RBFA: variants seen among roughly 807,000 people sequenced by gnomAD.
RBFA encodes putative ribosome-binding factor A, mitochondrial.
In RBFA, 16 loss-of-function variants were observed where a neutral mutation model predicts 27.9. The ratio of observed to expected loss-of-function variants is 0.57; its 90% CI spans 0.39 to 0.87. The LOEUF is 0.87. Ranked by LOEUF, RBFA falls within the 40% of genes least tolerant of loss-of-function variation. RBFA has a pLI of 0.00. For missense variants in RBFA, 456 were observed against 432.1 expected (o/e 1.06, Z -0.49); for synonymous variants, 181 against 181.0 (o/e 1.00, Z 0.00).
rs969428488 is a variant in RBFA at position 80,050,343 on chromosome 18, A to T, written c.*4188A>T. Among the ~76,000 whole-genome samples, 3 of 151,998 alleles carry T rather than the reference A, an allele frequency of 2.0e-5. No homozygotes were observed. The highest frequency in any genetic ancestry group is 7.3e-5 in the African/African-American group (3 of 41,366). ...AGTGTTTCCTGATTAAAAATTTTTTATTTTTATTTTTAATTATCATGGGCA... is the reference window on the plus strand; with the variant it reads ...AGTGTTTCCTGATTAAAAATTTTTTTTTTTTATTTTTAATTATCATGGGCA... On this transcript the variant is annotated 3_prime_UTR_variant, in exon 7 of 7. Coordinates refer to ENST00000306735, the MANE Select transcript of RBFA (RefSeq NM_024805.3).
At chr18:80,038,779 TG>T (rs2051998580) in intron 4 of RBFA, among the ~76,000 whole-genome samples, 162 bp downstream of exon 4, 1 of 152,234 alleles carries the variant, frequency 6.6e-6, no homozygotes, top group Admixed American at 6.5e-5. Context: ...TTTGCATTTT[TG>T]TATAAGCTAT....
intron 5 of RBFA, among the ~76,000 whole-genome samples, chr18:80,042,504 C>G (rs1173837134): frequency 6.6e-6 from 1 of 152,086 alleles, no homozygotes; most frequent in African/African-American, 2.4e-5. Flanking sequence ...GGTGCAGTGG[C>G]TCAAGCCTGT....
chr18:80,037,618 G>A (rs1162850582), intron 3 of RBFA, 112 bp downstream of exon 3: 9 of 932,156 alleles, frequency 9.7e-6, no homozygotes, highest in African/African-American at 3.3e-5. Context: ...GACTGGGCGC[G>A]GTGGCTCACG....
At chr18:80,037,739 C>T (rs534610224) in intron 3 of RBFA, among the ~76,000 whole-genome samples, 2 of 152,204 alleles carry the variant, frequency 1.3e-5, no homozygotes, top group South Asian at 4.1e-4. Flanking sequence ...AATACAAAAA[C>T]TTAGCCGGGC....
rs2052088702 is a variant in RBFA, at chr18:80,050,487, A to G, written c.*4332A>G. ...CCCTCAAGCATTTATCCTTTGTGCC[A>G]CAAACAATCCGATTATATTGTTTTA... On this transcript the variant is annotated 3_prime_UTR_variant, in exon 7 of 7. Transcript: ENST00000306735. Among the ~76,000 whole-genome samples, 1 of 152,228 alleles carries G rather than the reference A, an allele frequency of 6.6e-6. No homozygotes were observed. Among genetic ancestry groups the G allele is most frequent in the African/African-American group, 2.4e-5 (1 of 41,448 alleles).
At chr18:80,039,003 GTTACTT>G (rs1016234362) in intron 4 of RBFA, among the ~76,000 whole-genome samples, 14 of 152,220 alleles carry the variant, frequency 9.2e-5, no homozygotes, top group Admixed American at 3.3e-4. Flanking sequence ...AAAAGACAAT[GTTACTT>G]TTACTTAAGA....
rs568253132 is a variant in RBFA at position 80,034,768 on chromosome 18, C to T, written c.158+115C>T. On this transcript the variant is annotated intron_variant, in intron 1 of 6. Transcript: ENST00000306735. The stretch of plus-strand genomic sequence containing the variant: ...GCCCATGCGGCCTAGCTCGCCAGTT[C>T]CTGCCTCCTGGGGTCTGCAGCAGTT... 22 of 1,345,494 alleles carry T rather than the reference C, an allele frequency of 1.6e-5. No individual in the cohort carries two copies. In the African/African-American group the frequency reaches 2.6e-4, roughly 16 times the overall value. 83.3% of individuals were successfully genotyped at this position (1,345,494 alleles called of 1,614,324 possible).
At chr18:80,038,255 CGGTTTGGTTCTGCAAACCAGGT>C (rs913829658) in intron 3 of RBFA, among the ~76,000 whole-genome samples, 1 of 152,028 alleles carries the variant, frequency 6.6e-6, no homozygotes, top group African/African-American at 2.4e-5. Context: ...GTCAGGGTTC[CGGTTTGGTTCTGCAAACCAGGT>C]GGTTTGGTTT....
At position 80,034,662 on chromosome 18, in the gene RBFA, G is replaced by A. The variant is rs1319015188; in HGVS notation, c.158+9G>A. The A allele has an allele frequency of 2.5e-6, 4 of 1,607,578 alleles. No homozygotes were observed. The highest frequency in any genetic ancestry group is 8.5e-7 in the Non-Finnish European group (1 of 1,178,292). ...TTTGCCTCGAAAACCAAGTAATGCGGCGGGGGCGGTGTCCCTGGGCGCGGT... is the reference window on the plus strand; with the variant it reads ...TTTGCCTCGAAAACCAAGTAATGCGACGGGGGCGGTGTCCCTGGGCGCGGT... On this transcript the variant is annotated intron_variant, in intron 1 of 6. Coordinates refer to ENST00000306735, the MANE Select transcript of RBFA (RefSeq NM_024805.3).
At chr18:80,037,672 G>A (rs899415758) in intron 3 of RBFA, among the ~76,000 whole-genome samples, 166 bp downstream of exon 3, 18 of 152,246 alleles carry the variant, frequency 1.2e-4, no homozygotes, top group Admixed American at 2.0e-4. Flanking sequence ...GGCGGATCAC[G>A]AGGCCAGGAG....
Position 80,034,513 on chromosome 18 carries a change from C to T in RBFA, c.18C>T (p.Gly6=). The change falls in exon 1 of 7, where the codon GGC becomes GGT. Residue 6 remains glycine, a synonymous_variant. Transcript: ENST00000306735. The part of the protein sequence containing the change: MWAAA[G]GLWRSRAGLR... ...GCCGCGCCATGTGGGCTGCGGCGGG[C>T]GGGCTGTGGCGCTCCCGCGCGGGTC... The T allele has an allele frequency of 1.3e-6, 2 of 1,571,368 alleles. No individual in the cohort carries two copies. The highest frequency in any genetic ancestry group is 8.6e-7 in the Non-Finnish European group (1 of 1,165,954).
At position 80,034,663 on chromosome 18, in the gene RBFA, C is replaced by T. The variant is rs1346931808; in HGVS notation, c.158+10C>T. The stretch of plus-strand genomic sequence containing the variant: ...TTGCCTCGAAAACCAAGTAATGCGG[C>T]GGGGGCGGTGTCCCTGGGCGCGGTA... On this transcript the variant is annotated intron_variant, in intron 1 of 6. Transcript: ENST00000306735. 2 of 1,607,188 alleles carry T rather than the reference C, an allele frequency of 1.2e-6. No homozygotes were observed. The highest frequency in any genetic ancestry group is 1.7e-5 in the Admixed American group (1 of 58,876).
Position 80,048,363 on chromosome 18 carries a change from G to A in RBFA, c.*2208G>A, listed in dbSNP as rs983721610. Among the ~76,000 whole-genome samples, 2 of 152,204 alleles carry A rather than the reference G, an allele frequency of 1.3e-5. No homozygotes were observed. Among genetic ancestry groups the A allele is most frequent in the African/African-American group, 4.8e-5 (2 of 41,446 alleles). The stretch of plus-strand genomic sequence containing the variant: ...CCCCCCGCCCCCTAACTTGGGAAAG[G>A]TGTTAAAGAAGGAGAGAACGCCCTC... On this transcript the variant is annotated 3_prime_UTR_variant, in exon 7 of 7. Coordinates refer to ENST00000306735, the MANE Select transcript of RBFA (RefSeq NM_024805.3).
intron 4 of RBFA, among the ~76,000 whole-genome samples, chr18:80,041,052 C>T (rs544468936): frequency 8.5e-5 from 13 of 152,282 alleles, no homozygotes; most frequent in Admixed American, 3.9e-4. Context: ...TGGGGACAGA[C>T]GTAGAAAAGG....
At chr18:80,038,278 G>T (rs2145143752) in intron 3 of RBFA, among the ~76,000 whole-genome samples, 1 of 152,272 alleles carries the variant, frequency 6.6e-6, no homozygotes, top group East Asian at 1.9e-4. Context: ...CAAACCAGGT[G>T]GTTTGGTTTG....
At position 80,048,704 on chromosome 18, in the gene RBFA, A is replaced by C. The variant is rs1289313395; in HGVS notation, c.*2549A>C. ...TCGCAAAGTTGTTCTCATTTTCCAAATAAGGAATCTGAGGCCCAGGGAGAG... is the reference window on the plus strand; with the variant it reads ...TCGCAAAGTTGTTCTCATTTTCCAACTAAGGAATCTGAGGCCCAGGGAGAG... On this transcript the variant is annotated 3_prime_UTR_variant, in exon 7 of 7. Transcript: ENST00000306735. Among the ~76,000 whole-genome samples the C allele has an allele frequency of 6.6e-6, 1 of 152,244 alleles. No individual in the cohort carries two copies. The highest frequency in any genetic ancestry group is 1.5e-5 in the Non-Finnish European group (1 of 68,044).
At chr18:80,035,576 A>G (rs2051972555) in intron 1 of RBFA, 1 of 152,198 alleles carries the variant, frequency 6.6e-6, no homozygotes, top group Non-Finnish European at 1.5e-5. Flanking sequence ...TCCAGGGTCC[A>G]CGCTGGCCGT....
chr18:80,042,154 C>G lies in RBFA; in HGVS notation c.511C>G (p.Gln171Glu). 1 of 1,610,720 alleles carries G rather than the reference C, an allele frequency of 6.2e-7. No homozygotes were observed. ...AHMRHLLMSQ[Q>E]TLRNVPPIVF... ...TCCTAGGCACCTTTTGATGTCCCAGCAGACCCTGAGGAATGTGCCACCGAT... is the reference window on the plus strand; with the variant it reads ...TCCTAGGCACCTTTTGATGTCCCAGGAGACCCTGAGGAATGTGCCACCGAT... The change falls in exon 5 of 7, where the codon CAG becomes GAG. Residue 171 changes from glutamine to glutamate, a missense_variant. Gln to Glu is a conservative substitution (Grantham distance 29). Transcript: ENST00000306735.
intron 3 of RBFA, among the ~76,000 whole-genome samples, chr18:80,038,177 G>A (rs115333757): frequency 0.033 from 5,005 of 152,302 alleles, 153 homozygotes; most frequent in African/African-American, 0.076. Flanking sequence ...TGAGTTGTAA[G>A]GAGAAAAGGC....
Sources: gnomAD v4.1 joint callset for allele counts (sites outside exome capture counted in the v4.1 genomes callset) on GRCh38, gnomAD v4.1.1 for gene constraint, MANE v1.5 for transcripts, NCBI Gene and HGNC (gene_info 2026-07-23, HGNC 2026-07-21) for gene names.